NDUFAF6: variants seen among roughly 807,000 people sequenced by gnomAD.
NDUFAF6 encodes NADH:ubiquinone oxidoreductase complex assembly factor 6.
A neutral mutation model predicts 40.8 loss-of-function variants in NDUFAF6; 45 were observed. That is an observed-to-expected ratio of 1.10 (90% CI 0.87 to 1.42). NDUFAF6 has a LOEUF of 1.42. NDUFAF6 is among the 40% of genes most tolerant of loss of function. The pLI, the probability that NDUFAF6 is intolerant of heterozygous loss-of-function variation, is 0.00. For missense variants in NDUFAF6, 435 were observed against 418.5 expected, an observed-to-expected ratio of 1.04 and a Z score of -0.34; for synonymous variants, 185 against 155.9, an observed-to-expected ratio of 1.19 and a Z score of -1.39.
intron 2 of NDUFAF6, among the ~76,000 whole-genome samples, chr8:95,083,254 C>G (rs564114538): frequency 5.2e-3 from 190 of 36,774 alleles, no homozygotes; most frequent in Non-Finnish European, 6.9e-3. Flanking sequence ...TTCCTTTCTC[C>G]ACTAAACGGG....
intron 2 of NDUFAF6, among the ~76,000 whole-genome samples, chr8:95,088,992 C>T (rs1013342950): frequency 6.6e-6 from 1 of 151,224 alleles, no homozygotes; most frequent in Non-Finnish European, 1.5e-5. Flanking sequence ...GAACTTCTGA[C>T]CTCAAATGAT....
chr8:94,899,331 C>T (rs949028374), intron 1 of NDUFAF6, among the ~76,000 whole-genome samples: 6 of 152,226 alleles, frequency 3.9e-5, no homozygotes, highest in African/African-American at 1.4e-4. Context: ...TAGATGTCCA[C>T]AGAACACACT....
downstream of NDUFAF6, among the ~76,000 whole-genome samples, chr8:95,076,822 G>A (rs1185907907): frequency 4.0e-5 from 6 of 149,830 alleles, no homozygotes; most frequent in Non-Finnish European, 8.8e-5. Flanking sequence ...GTGGTGAGCC[G>A]AGATCGTGCC....
intron 1 of NDUFAF6, among the ~76,000 whole-genome samples, chr8:94,965,653 C>A (rs1823954682): frequency 6.6e-6 from 1 of 152,168 alleles, no homozygotes; most frequent in Non-Finnish European, 1.5e-5. Flanking sequence ...AAAAACTCAA[C>A]AGAATTTAGT....
intron 1 of NDUFAF6, among the ~76,000 whole-genome samples, chr8:94,920,776 C>T (rs1417496176): frequency 6.6e-6 from 1 of 152,234 alleles, no homozygotes; most frequent in Non-Finnish European, 1.5e-5. Context: ...TGTTGCCAGC[C>T]ATTCTCTATG....
intron 4 of NDUFAF6, among the ~76,000 whole-genome samples, chr8:95,042,940 G>T (rs1025873868): frequency 6.6e-6 from 1 of 152,134 alleles, no homozygotes; most frequent in Non-Finnish European, 1.5e-5. Flanking sequence ...TCTTGCAAAA[G>T]AATAAGTTTT....
intron 4 of NDUFAF6, among the ~76,000 whole-genome samples, chr8:95,112,077 T>C (rs899844287): frequency 1.4e-4 from 21 of 152,178 alleles, no homozygotes; most frequent in Non-Finnish European, 8.8e-5. Context: ...CCCTCAAAGA[T>C]GTCCACCTCC....
chr8:95,056,905 CA>C (rs33945993), intron 8 of NDUFAF6, among the ~76,000 whole-genome samples: 96 of 141,052 alleles, frequency 6.8e-4, no homozygotes, highest in African/African-American at 2.0e-3. Flanking sequence ...GACTCTGTCT[CA>C]AAAAAAAAAA....
intron 4 of NDUFAF6, among the ~76,000 whole-genome samples, chr8:95,114,602 A>C (rs1810087540): frequency 6.6e-6 from 1 of 152,220 alleles, no homozygotes; most frequent in Non-Finnish European, 1.5e-5. Context: ...GAGCTATTTC[A>C]GTGACTGTAC....
chr8:95,046,910 G>A, intron 5 of NDUFAF6, 84 bp from the exon 6 acceptor site: 1 of 1,575,706 alleles, frequency 6.3e-7, no homozygotes, highest in South Asian at 1.1e-5. Flanking sequence ...CCTTTTACAT[G>A]TTTAGGTTAT....
At chr8:94,914,787 C>T (rs183173905) in intron 1 of NDUFAF6, among the ~76,000 whole-genome samples, 4 of 151,180 alleles carry the variant, frequency 2.6e-5, no homozygotes, top group Non-Finnish European at 5.9e-5. Flanking sequence ...CATGGTGATG[C>T]GCACCTGTAA....
chr8:95,036,757 A>T (rs1005983877), intron 3 of NDUFAF6, among the ~76,000 whole-genome samples: 2 of 152,246 alleles, frequency 1.3e-5, no homozygotes, highest in East Asian at 3.8e-4. Context: ...CCAGAAGACA[A>T]ATCTGAATTA....
chr8:94,971,636 A>G (rs919795004), intron 1 of NDUFAF6, among the ~76,000 whole-genome samples: 22 of 152,148 alleles, frequency 1.4e-4, no homozygotes, highest in African/African-American at 5.3e-4. Flanking sequence ...TATATTTCAC[A>G]TATATTTAAA....
intron 1 of NDUFAF6, among the ~76,000 whole-genome samples, chr8:95,028,311 T>A (rs912522113): frequency 6.6e-6 from 1 of 152,244 alleles, no homozygotes; most frequent in Admixed American, 6.5e-5. Flanking sequence ...ATCCGTAATA[T>A]GGCATTTCTC....
chr8:95,019,948 C>T (rs2131695282), intron 2 of NDUFAF6, among the ~76,000 whole-genome samples: 1 of 152,278 alleles, frequency 6.6e-6, no homozygotes, highest in African/African-American at 2.4e-5. Context: ...CCTGTAATCC[C>T]AGCACTTTGG....
chr8:95,056,517 G>T (rs771772949), intron 8 of NDUFAF6, among the ~76,000 whole-genome samples: 6 of 152,050 alleles, frequency 3.9e-5, no homozygotes, highest in Non-Finnish European at 7.4e-5. Context: ...GTGGTCTCTG[G>T]ATTGTTTCTA....
chr8:95,021,912 C>T (rs1450966192), upstream of NDUFAF6, among the ~76,000 whole-genome samples: 1 of 152,108 alleles, frequency 6.6e-6, no homozygotes, highest in African/African-American at 2.4e-5. Flanking sequence ...AGGGGGCAGC[C>T]TTGTGAGACT....
intron 1 of NDUFAF6, among the ~76,000 whole-genome samples, chr8:94,903,359 G>A (rs548130189): frequency 5.3e-5 from 8 of 151,768 alleles, no homozygotes; most frequent in South Asian, 2.1e-4. Context: ...ACCCTGTCTC[G>A]AAAAAAACAA....
intron 8 of NDUFAF6, 80 bp from the exon 9 acceptor site, chr8:95,057,728 TA>T: frequency 9.0e-7 from 1 of 1,111,650 alleles, no homozygotes; most frequent in South Asian, 1.4e-5. Flanking sequence ...TAAATACTTG[TA>T]ATTATTCTTT....
Sources: allele counts gnomAD v4.1 joint callset (sites outside exome capture counted in the v4.1 genomes callset), GRCh38; gene constraint gnomAD v4.1.1; transcripts MANE v1.5; gene names NCBI Gene and HGNC (gene_info 2026-07-23, HGNC 2026-07-21).